NTRK3: variants seen among roughly 807,000 people sequenced by gnomAD.
NTRK3 encodes neurotrophic receptor tyrosine kinase 3.
A neutral mutation model predicts 91.7 loss-of-function variants in NTRK3; 24 were observed. The ratio of observed to expected loss-of-function variants is 0.26; its 90% CI spans 0.19 to 0.37. The LOEUF (loss-of-function observed/expected upper bound fraction) is 0.37, where lower values mean the gene tolerates loss of function less well. Among genes scored for constraint, NTRK3 ranks in the 10% least tolerant of loss-of-function variants. The pLI is 1.00. For synonymous variants in NTRK3, 483 were observed against 404.0 expected, an observed-to-expected ratio of 1.20 and a Z score of -2.34; for missense variants, 880 against 1,068.9, an observed-to-expected ratio of 0.82 and a Z score of 2.46.
chr15:87,964,380 T>C, intron 14 of NTRK3, among the ~76,000 whole-genome samples: 1 of 150,666 alleles, frequency 6.6e-6, no homozygotes, highest in Non-Finnish European at 1.5e-5. Flanking sequence ...GTTTAGTTTA[T>C]ATATTATATA....
At chr15:88,244,015 C>T (rs945655614) in intron 3 of NTRK3, among the ~76,000 whole-genome samples, 9 of 152,194 alleles carry the variant, frequency 5.9e-5, no homozygotes, top group Non-Finnish European at 1.2e-4. Context: ...CTGACCTGGC[C>T]TGGACAATCC....
chr15:88,057,347 A>G (rs908744894), intron 13 of NTRK3, among the ~76,000 whole-genome samples: 24 of 150,624 alleles, frequency 1.6e-4, no homozygotes, highest in Non-Finnish European at 2.5e-4. Context: ...AAATACAAAA[A>G]ATTAGCCGGG....
chr15:88,149,377 G>T (rs1276074611), intron 5 of NTRK3, among the ~76,000 whole-genome samples: 1 of 152,148 alleles, frequency 6.6e-6, no homozygotes, highest in Non-Finnish European at 1.5e-5. Context: ...TTACTGTTCT[G>T]CTGTCTTCCC....
At chr15:88,006,241 C>A (rs1255545197) in intron 14 of NTRK3, among the ~76,000 whole-genome samples, 1 of 152,214 alleles carries the variant, frequency 6.6e-6, no homozygotes, top group Non-Finnish European at 1.5e-5. Context: ...GCTTTTCTCT[C>A]CTTCTCTTCC....
chr15:88,127,688 C>G (rs1567474860), intron 11 of NTRK3, among the ~76,000 whole-genome samples: 1 of 152,218 alleles, frequency 6.6e-6, no homozygotes. Flanking sequence ...TGTGCCCTCC[C>G]TCTTTCCTTC....
chr15:87,895,315 C>T (rs1345224266), intron 17 of NTRK3, among the ~76,000 whole-genome samples: 1 of 152,152 alleles, frequency 6.6e-6, no homozygotes, highest in African/African-American at 2.4e-5. Context: ...CAGAAATATA[C>T]AGATTGAGTC....
intron 13 of NTRK3, among the ~76,000 whole-genome samples, chr15:88,082,784 C>T (rs1966948): frequency 0.35 from 52,940 of 152,000 alleles, 9,760 homozygotes; most frequent in Non-Finnish European, 0.42. Flanking sequence ...GGGAAGGAAA[C>T]GGAATCGGGG....
At chr15:88,094,623 G>C (rs2049395170) in intron 13 of NTRK3, among the ~76,000 whole-genome samples, 1 of 152,092 alleles carries the variant, frequency 6.6e-6, no homozygotes, top group African/African-American at 2.4e-5. Flanking sequence ...GCCTTCTTGG[G>C]AAGAAGGATG....
intron 16 of NTRK3, among the ~76,000 whole-genome samples, chr15:87,930,648 G>A (rs2068715273): frequency 6.6e-6 from 1 of 152,158 alleles, no homozygotes; most frequent in South Asian, 2.1e-4. Context: ...GGGTTATGGA[G>A]GCTGTGTTTG....
intron 5 of NTRK3, 25 bp downstream of exon 5, chr15:88,183,393 A>G (rs1397741543): frequency 5.0e-6 from 8 of 1,612,794 alleles, no homozygotes; most frequent in Admixed American, 1.7e-5. Context: ...TGTGCCCCCA[A>G]TCCCTGCAGC....
chr15:88,086,926 T>G (rs753976648), intron 13 of NTRK3, among the ~76,000 whole-genome samples: 31 of 152,200 alleles, frequency 2.0e-4, no homozygotes, highest in Non-Finnish European at 4.3e-4. Context: ...AGTCATGGCC[T>G]CCTTCTAGGC....
intron 14 of NTRK3, among the ~76,000 whole-genome samples, chr15:87,972,225 A>C (rs2073318108): frequency 6.6e-6 from 1 of 152,214 alleles, no homozygotes; most frequent in African/African-American, 2.4e-5. Context: ...ATAACAGCAC[A>C]CAGGTGGCAG....
At chr15:88,134,183 T>C (rs2041654640) in intron 10 of NTRK3, among the ~76,000 whole-genome samples, 1 of 152,316 alleles carries the variant, frequency 6.6e-6, no homozygotes. Flanking sequence ...GGTCTCCTAG[T>C]CACTTCCCAA....
intron 5 of NTRK3, among the ~76,000 whole-genome samples, chr15:88,163,820 T>C (rs2044685698): frequency 1.3e-5 from 2 of 152,216 alleles, no homozygotes; most frequent in African/African-American, 2.4e-5. Flanking sequence ...TGGAATTTCA[T>C]CAGGTCAGTT....
intron 13 of NTRK3, among the ~76,000 whole-genome samples, chr15:88,097,766 C>T (rs1361061769): frequency 2.0e-5 from 3 of 152,086 alleles, no homozygotes; most frequent in African/African-American, 7.2e-5. Context: ...TTATGATATA[C>T]TATGTGAAAG....
intron 5 of NTRK3, among the ~76,000 whole-genome samples, chr15:88,169,639 A>C (rs568732400): frequency 1.2e-4 from 19 of 152,310 alleles, no homozygotes; most frequent in African/African-American, 4.3e-4. Flanking sequence ...CCTTTAGTAC[A>C]CTGACTTTGG....
intron 17 of NTRK3, among the ~76,000 whole-genome samples, chr15:87,922,833 T>C (rs1474645889): frequency 6.6e-6 from 1 of 152,190 alleles, no homozygotes; most frequent in Non-Finnish European, 1.5e-5. Context: ...TTCTTATCTA[T>C]TAACTTACAT....
At chr15:87,897,387 C>T (rs2066190226) in intron 17 of NTRK3, among the ~76,000 whole-genome samples, 1 of 152,212 alleles carries the variant, frequency 6.6e-6, no homozygotes, top group Admixed American at 6.5e-5. Flanking sequence ...GCAGACATTT[C>T]AACTCCAAAG....
intron 14 of NTRK3, among the ~76,000 whole-genome samples, chr15:88,007,152 G>C (rs12593824): frequency 6.6e-6 from 1 of 152,182 alleles, no homozygotes; most frequent in African/African-American, 2.4e-5. Context: ...ATGTGCTCTA[G>C]GTATGATACA....
Sources: gnomAD v4.1 joint callset for allele counts (sites outside exome capture counted in the v4.1 genomes callset) on GRCh38, gnomAD v4.1.1 for gene constraint, MANE v1.5 for transcripts, NCBI Gene and HGNC (gene_info 2026-07-23, HGNC 2026-07-21) for gene names.